PXK: variants seen among roughly 807,000 people sequenced by gnomAD.
PXK encodes the protein PX domain-containing protein kinase-like protein.
PXK carries 35 observed loss-of-function variants against 84.7 expected under a neutral mutation model. That is an observed-to-expected ratio of 0.41 (90% CI 0.32 to 0.55). PXK has a LOEUF of 0.55. Among genes scored for constraint, PXK ranks in the 20% least tolerant of loss-of-function variants. The probability of loss-of-function intolerance (pLI) is 0.21; values close to 1 mark genes in which losing one functional copy is unlikely to be tolerated. For missense variants in PXK, 634 were observed against 699.7 expected (o/e 0.91, Z 1.06); for synonymous variants, 253 against 260.8 (o/e 0.97, Z 0.29).
intron 13 of PXK, among the ~76,000 whole-genome samples, chr3:58,404,736 C>T (rs2059132373): frequency 6.6e-6 from 1 of 152,080 alleles, no homozygotes; most frequent in Non-Finnish European, 1.5e-5. Flanking sequence ...GGTAATTCTC[C>T]CTCTCCTTTC....
At position 58,364,377 on chromosome 3, in the gene PXK, G is replaced by A. The variant is rs566968798; in HGVS notation, c.103-1497G>A. On this transcript the variant is annotated intron_variant, in intron 1 of 17. Coordinates refer to ENST00000356151, the MANE Select transcript of PXK (RefSeq NM_017771.5). The surrounding 1 kb of genome is among the most constrained non-coding windows in gnomAD (Gnocchi z 4.3). ...CATTGGGCCTTGATACATATTTGGC[G>A]GGGGGAGGGGAGCGGAGTTTTTTAG... is the stretch of plus-strand genomic sequence containing the variant. Among the ~76,000 whole-genome samples, 7 of 152,180 alleles carry A rather than the reference G, an allele frequency of 4.6e-5. No homozygotes were observed. Among genetic ancestry groups the A allele is most frequent in the East Asian group, 3.9e-4 (2 of 5,174 alleles).
In PXK at chr3:58,425,414, T is replaced by A. The variant is rs2062693769; in HGVS notation, c.*454T>A. The stretch of plus-strand genomic sequence containing the variant: ...TTTCTGATTCTTAGATAACTCCAAT[T>A]TTTGCTACCTTTATCTTAGACATTA... On this transcript the variant is annotated 3_prime_UTR_variant, in exon 18 of 18. Coordinates refer to ENST00000356151, the MANE Select transcript of PXK (RefSeq NM_017771.5). The A allele has an allele frequency of 1.2e-5, 2 of 161,466 alleles. No individual in the cohort carries two copies. The highest frequency in any genetic ancestry group is 2.7e-5 in the Non-Finnish European group (2 of 73,494). 10.0% of individuals were successfully genotyped at this position (161,466 alleles called of 1,614,324 possible).
intron 2 of PXK, among the ~76,000 whole-genome samples, chr3:58,367,124 G>T (rs1415174092): frequency 6.6e-6 from 1 of 152,140 alleles, no homozygotes; most frequent in African/African-American, 2.4e-5. Flanking sequence ...ATTTTCAATG[G>T]GTGGGGTTGT....
intron 17 of PXK, among the ~76,000 whole-genome samples, chr3:58,415,093 A>G (rs758547210): frequency 6.6e-6 from 1 of 152,162 alleles, no homozygotes; most frequent in Non-Finnish European, 1.5e-5. Flanking sequence ...ATTTTTCCCT[A>G]TTCTGTCACT....
chr3:58,368,434 T>C (rs2098311234), intron 2 of PXK, among the ~76,000 whole-genome samples: 2 of 152,180 alleles, frequency 1.3e-5, no homozygotes, highest in African/African-American at 4.8e-5. Context: ...GCGATTCTAG[T>C]GCTTCTGCCT....
At chr3:58,368,745 A>G (rs1362219131) in intron 2 of PXK, among the ~76,000 whole-genome samples, 1 of 152,272 alleles carries the variant, frequency 6.6e-6, no homozygotes, top group African/African-American at 2.4e-5. Context: ...ACTTTTCTGC[A>G]CATTAACATG....
chr3:58,362,442 G>T (rs1027756256), intron 1 of PXK, among the ~76,000 whole-genome samples: 1 of 152,196 alleles, frequency 6.6e-6, no homozygotes, highest in South Asian at 2.1e-4. Context: ...GCTCTGACAC[G>T]TGAAAGTAAT....
At chr3:58,346,538 T>A (rs182302077) in intron 1 of PXK, among the ~76,000 whole-genome samples, 26 of 152,298 alleles carry the variant, frequency 1.7e-4, no homozygotes, top group Non-Finnish European at 3.2e-4. Flanking sequence ...TGTTTGGTTT[T>A]AGACACCTTG....
At chr3:58,343,869 G>C (rs1340728772) in intron 1 of PXK, among the ~76,000 whole-genome samples, 1 of 152,170 alleles carries the variant, frequency 6.6e-6, no homozygotes. Context: ...GGGTTACGGG[G>C]TACTTCTGCC....
rs963206151 is a variant in PXK at position 58,397,786 on chromosome 3, T to C, written c.1102+64T>C. 3.8e-5 allele frequency: 51 copies of C among 1,351,438 alleles called. No homozygotes were observed. The Admixed American group carries it at 8.5e-4, about 22-fold the overall frequency. The allele number at this position is 1,351,438 out of a possible 1,614,324, so 83.7% of individuals were successfully genotyped here. On this transcript the variant is annotated intron_variant, in intron 11 of 17. Transcript: ENST00000356151. The surrounding 1 kb of genome is among the most constrained non-coding windows in gnomAD (Gnocchi z 4.7). Reference sequence around the variant, plus strand: ...AGTGTGCAGAGCCACTCATCCCCTTTCCAGAGTCCAGGAAAGACCCAGAGG... The same window carrying C: ...AGTGTGCAGAGCCACTCATCCCCTTCCCAGAGTCCAGGAAAGACCCAGAGG...
In PXK at chr3:58,421,567, G is replaced by A. The variant is rs983426098; in HGVS notation, c.1529-3185G>A. ...TGCACTCCAGCCTGGGCAACAGAGC[G>A]AGACTCCATCTCAGAAAAAAAGGAA... On this transcript the variant is annotated intron_variant, in intron 17 of 17. Transcript: ENST00000356151. This position sits in a 1 kb window ranked among gnomAD's most constrained non-coding sequence, Gnocchi z 5.5. 8.1e-6 allele frequency: 8 copies of A among 982,438 alleles called. No individual in the cohort carries two copies. Among genetic ancestry groups the A allele is most frequent in the Non-Finnish European group, 8.5e-6 (7 of 825,206 alleles). The allele number at this position is 982,438 out of a possible 1,614,324, so 60.9% of individuals were successfully genotyped here.
intron 17 of PXK, 54 bp from the exon 18 acceptor site, chr3:58,424,698 G>A: frequency 6.3e-7 from 1 of 1,579,978 alleles, no homozygotes; most frequent in African/African-American, 1.3e-5. Flanking sequence ...GCAGCAGCGT[G>A]TGTGCAGGGC....
At chr3:58,351,816 G>T (rs80085238) in intron 1 of PXK, among the ~76,000 whole-genome samples, 1 of 152,034 alleles carries the variant, frequency 6.6e-6, no homozygotes, top group South Asian at 2.1e-4. Context: ...GCTGCTTTTT[G>T]TTTTTTCTGG....
At chr3:58,345,139 G>A (rs2097793219) in intron 1 of PXK, among the ~76,000 whole-genome samples, 1 of 152,154 alleles carries the variant, frequency 6.6e-6, no homozygotes, top group Non-Finnish European at 1.5e-5. Context: ...CAAAGATGAA[G>A]CAAAGTACTA....
At chr3:58,356,497 G>T (rs946226524) in intron 1 of PXK, among the ~76,000 whole-genome samples, 1 of 146,744 alleles carries the variant, frequency 6.8e-6, no homozygotes, top group Non-Finnish European at 1.5e-5. Flanking sequence ...CAGCTCAGGA[G>T]GTAGAGGCCT....
At position 58,332,941 on chromosome 3, in the gene PXK, C is replaced by A. The variant is rs776164679; in HGVS notation, c.-48C>A. The A allele has an allele frequency of 8.1e-7, 1 of 1,235,158 alleles. No homozygotes were observed. The highest frequency in any genetic ancestry group is 1.0e-6 in the Non-Finnish European group (1 of 955,590). The allele number at this position is 1,235,158 out of a possible 1,614,324, so 76.5% of individuals were successfully genotyped here. On this transcript the variant is annotated 5_prime_UTR_variant, in exon 1 of 18. Transcript: ENST00000356151. This position sits in a 1 kb window ranked among gnomAD's most constrained non-coding sequence, Gnocchi z 5.6. ...GGGCGGGCGGCGGGAGTCGGCGCCT[C>A]GGGTTCCTACCTCGCGTCCCTAGGC...
chr3:58,353,977 A>T (rs1269125825), intron 1 of PXK, among the ~76,000 whole-genome samples: 1 of 152,174 alleles, frequency 6.6e-6, no homozygotes, highest in East Asian at 1.9e-4. Flanking sequence ...CAGCCAGGTC[A>T]CTTGTTTTCA....
chr3:58,394,859 A>T (rs1218738072), intron 7 of PXK, 139 bp from the exon 8 acceptor site: 1 of 562,432 alleles, frequency 1.8e-6, no homozygotes, highest in South Asian at 2.9e-5. Context: ...TGAAAATGCC[A>T]TGTGTTCAGG....
intron 1 of PXK, among the ~76,000 whole-genome samples, chr3:58,363,449 A>G (rs1464266856): frequency 1.3e-5 from 2 of 152,092 alleles, no homozygotes; most frequent in African/African-American, 4.8e-5. Context: ...CTGCCTCCTG[A>G]GTAGCTGGGA....
Sources: allele counts gnomAD v4.1 joint callset (sites outside exome capture counted in the v4.1 genomes callset), GRCh38; gene constraint gnomAD v4.1.1; non-coding constraint Gnocchi (gnomAD v3.1); transcripts MANE v1.5; gene names NCBI Gene and HGNC (gene_info 2026-07-23, HGNC 2026-07-21).